SMAD2: variants seen among roughly 807,000 people sequenced by gnomAD.
SMAD2 encodes SMAD family member 2, also known as MAD homolog 2.
SMAD2 carries 8 observed loss-of-function variants against 64.4 expected under a neutral mutation model. The observed-to-expected ratio is 0.12, with a 90% CI of 0.07 to 0.22. The LOEUF is 0.22. Among genes scored for constraint, SMAD2 ranks in the 10% least tolerant of loss-of-function variants. SMAD2 has a pLI of 1.00. For missense variants in SMAD2, 289 were observed against 561.2 expected, an observed-to-expected ratio of 0.51 and a Z score of 4.90; for synonymous variants, 203 against 195.8, an observed-to-expected ratio of 1.04 and a Z score of -0.31.
intron 1 of SMAD2, among the ~76,000 whole-genome samples, chr18:47,903,373 T>G (rs1598867918): frequency 7.3e-5 from 10 of 136,368 alleles, no homozygotes; most frequent in African/African-American, 8.3e-5. Context: ...AAAGAGGGGG[T>G]GGGGGGAAAG....
At chr18:47,851,468 G>T in intron 6 of SMAD2, 141 bp from the exon 7 acceptor site, 2 of 346,294 alleles carry the variant, frequency 5.8e-6, no homozygotes, top group Non-Finnish European at 1.1e-5. Context: ...ATATGTAAGT[G>T]CTTAAATTTA....
intron 2 of SMAD2, among the ~76,000 whole-genome samples, chr18:47,894,976 G>A (rs1044318278): frequency 1.3e-5 from 2 of 152,092 alleles, no homozygotes; most frequent in African/African-American, 4.8e-5. Context: ...CAGCCACCAC[G>A]CCAGTCCAGC....
At chr18:47,902,251 C>T (rs1288026120) in intron 1 of SMAD2, among the ~76,000 whole-genome samples, 1 of 152,146 alleles carries the variant, frequency 6.6e-6, no homozygotes, top group Non-Finnish European at 1.5e-5. Context: ...CCCCAGGGTG[C>T]AAAATTTTGC....
chr18:47,844,988 A>G, intron 10 of SMAD2: 2 of 494,710 alleles, frequency 4.0e-6, no homozygotes, highest in South Asian at 3.1e-5. Flanking sequence ...TTGAAATCCA[A>G]TGCACCTTTT....
intron 2 of SMAD2, among the ~76,000 whole-genome samples, chr18:47,884,465 T>C (rs1892385906): frequency 6.6e-6 from 1 of 152,124 alleles, no homozygotes; most frequent in Admixed American, 6.5e-5. Flanking sequence ...GCCCCATATA[T>C]AGTTACTAAA....
At chr18:47,882,134 CG>C (rs2032641025) in intron 2 of SMAD2, among the ~76,000 whole-genome samples, 1 of 140,818 alleles carries the variant, frequency 7.1e-6, no homozygotes, top group Non-Finnish European at 1.5e-5. Context: ...AATCCTACTG[CG>C]TTGGCCTCCC....
chr18:47,867,216 G>A (rs996559971), intron 5 of SMAD2: 4 of 151,648 alleles, frequency 2.6e-5, no homozygotes, highest in African/African-American at 9.7e-5. Context: ...CCATAAAGCA[G>A]CTTTAAATCC....
chr18:47,899,219 G>C (rs1005677867), intron 1 of SMAD2, among the ~76,000 whole-genome samples: 1 of 152,118 alleles, frequency 6.6e-6, no homozygotes, highest in Non-Finnish European at 1.5e-5. Flanking sequence ...CGAAGTATTT[G>C]GGGAACATAA....
chr18:47,841,161 A>C lies in SMAD2; in HGVS notation c.*666T>G. ...TTTAGCAGTTAAAAAAAAAAACAAA[A>C]AAAAACAAAAAACCACAAAAAGAAT... On this transcript the variant is annotated 3_prime_UTR_variant, in exon 11 of 11. Coordinates refer to ENST00000262160, the MANE Select transcript of SMAD2 (RefSeq NM_005901.6). 1 of 232,336 alleles carries C rather than the reference A, an allele frequency of 4.3e-6. No homozygotes were observed. 14.4% of individuals were successfully genotyped at this position (232,336 alleles called of 1,614,324 possible). A position where few individuals can be genotyped will look rare whatever the true frequency, so the allele number is the denominator to read the frequency against.
rs1913777960 is a variant in SMAD2 at position 47,839,919 on chromosome 18, T to C, written c.*1908A>G. On this transcript the variant is annotated 3_prime_UTR_variant, in exon 11 of 11. Coordinates refer to ENST00000262160, the MANE Select transcript of SMAD2 (RefSeq NM_005901.6). ...CCTACCTGAAGCATCCCATCTGTTA[T>C]TCTCCAGTACAGTACCCTGTTTATC... 2 of 233,122 alleles carry C rather than the reference T, an allele frequency of 8.6e-6. No individual in the cohort carries two copies. Among genetic ancestry groups the C allele is most frequent in the African/African-American group, 4.4e-5 (2 of 45,332 alleles). The allele number at this position is 233,122 out of a possible 1,614,324, so 14.4% of individuals were successfully genotyped here. A position where few individuals can be genotyped will look rare whatever the true frequency, so the allele number is the denominator to read the frequency against.
intron 6 of SMAD2, among the ~76,000 whole-genome samples, chr18:47,863,609 C>T (rs776525755): frequency 4.6e-5 from 7 of 152,154 alleles, no homozygotes; most frequent in Non-Finnish European, 8.8e-5. Flanking sequence ...ATCCATGTTG[C>T]CACACGTCAT....
At chr18:47,907,493 A>G (rs890520684) in intron 1 of SMAD2, among the ~76,000 whole-genome samples, 50 of 152,224 alleles carry the variant, frequency 3.3e-4, no homozygotes, top group African/African-American at 1.1e-3. Flanking sequence ...AGAGGCACTA[A>G]GGAAGAGAAG....
At chr18:47,867,264 T>G (rs1460802977) in intron 5 of SMAD2, 1 of 152,060 alleles carries the variant, frequency 6.6e-6, no homozygotes, top group African/African-American at 2.4e-5. Flanking sequence ...AAATATACAT[T>G]AAAACAATCA....
At chr18:47,856,492 A>G (rs2030695245) in intron 6 of SMAD2, among the ~76,000 whole-genome samples, 2 of 152,240 alleles carry the variant, frequency 1.3e-5, no homozygotes, top group Admixed American at 1.3e-4. Context: ...TACTGAATAC[A>G]GACTAAAGTG....
chr18:47,830,580 A>AC lies in SMAD2; in HGVS notation c.*11246_*11247insG, dbSNP rs1912949370. ...AACAGAGCAAGACTCTGTCTCCAAAAAAAAAAAAAAAAAATTCGTTTTTCT... is the reference window on the plus strand; with the variant it reads ...AACAGAGCAAGACTCTGTCTCCAAAACAAAAAAAAAAAAAATTCGTTTTTCT... On this transcript the variant is annotated 3_prime_UTR_variant, in exon 11 of 11. Coordinates refer to ENST00000262160, the MANE Select transcript of SMAD2 (RefSeq NM_005901.6). 1 of 151,200 alleles carries AC rather than the reference A, an allele frequency of 6.6e-6. No homozygotes were observed. Among genetic ancestry groups the AC allele is most frequent in the Non-Finnish European group, 1.5e-5 (1 of 67,790 alleles). 9.4% of individuals were successfully genotyped at this position (151,200 alleles called of 1,614,324 possible).
chr18:47,869,084 A>T lies in SMAD2; in HGVS notation c.520+159T>A, dbSNP rs115059505. The stretch of plus-strand genomic sequence containing the variant: ...ATATGTTTTCTCATTAAAAATTTTT[A>T]AAAATAAAAAAATTTTAATTACCAC... On this transcript the variant is annotated intron_variant, in intron 4 of 10. Transcript: ENST00000262160. Among the ~76,000 whole-genome samples, 3,666 of 152,244 alleles carry T rather than the reference A, an allele frequency of 0.024. 149 individuals are homozygous for T. Among genetic ancestry groups the T allele is most frequent in the African/African-American group, 0.084 (3,486 of 41,556 alleles).
At position 47,835,058 on chromosome 18, in the gene SMAD2, C is replaced by A; in HGVS notation, c.*6769G>T. 1 of 219,418 alleles carries A rather than the reference C, an allele frequency of 4.6e-6. No homozygotes were observed. Among genetic ancestry groups the A allele is most frequent in the Non-Finnish European group, 9.1e-6 (1 of 109,418 alleles). 13.6% of individuals were successfully genotyped at this position (219,418 alleles called of 1,614,324 possible). ...CCTACAATGCTGTGATCTAGTTCAA[C>A]AACTGCAGAACTGTTCTCATCTTAA... On this transcript the variant is annotated 3_prime_UTR_variant, in exon 11 of 11. Transcript: ENST00000262160.
intron 10 of SMAD2, among the ~76,000 whole-genome samples, chr18:47,843,186 C>G (rs534352116): frequency 1.3e-5 from 2 of 152,244 alleles, no homozygotes; most frequent in East Asian, 3.9e-4. Context: ...GCTAGAGGTG[C>G]CAGGAAAGAA....
chr18:47,905,185 A>T (rs1398613353), intron 1 of SMAD2, among the ~76,000 whole-genome samples: 1 of 152,226 alleles, frequency 6.6e-6, no homozygotes, highest in Non-Finnish European at 1.5e-5. Context: ...AAGGGTCAAG[A>T]TTTGGAAAAT....
Sources: allele counts gnomAD v4.1 joint callset (sites outside exome capture counted in the v4.1 genomes callset), GRCh38; gene constraint gnomAD v4.1.1; transcripts MANE v1.5; gene names NCBI Gene and HGNC (gene_info 2026-07-23, HGNC 2026-07-21).